ATE1: variants seen among roughly 807,000 people sequenced by gnomAD.
ATE1 encodes the protein arginyl-tRNA--protein transferase 1.
A neutral mutation model predicts 70.5 loss-of-function variants in ATE1; 36 were observed. The ratio of observed to expected loss-of-function variants is 0.51; its 90% CI spans 0.39 to 0.67. ATE1 has a LOEUF of 0.67. Ranked by LOEUF, ATE1 falls within the 30% of genes least tolerant of loss-of-function variation. ATE1 has a pLI of 0.00. For missense variants in ATE1, 593 were observed against 629.5 expected (o/e 0.94, Z 0.62); for synonymous variants, 232 against 219.3 (o/e 1.06, Z -0.51).
At chr10:121,890,668 T>C (rs1009848807) in intron 7 of ATE1, among the ~76,000 whole-genome samples, 63 of 152,192 alleles carry the variant, frequency 4.1e-4, no homozygotes, top group African/African-American at 1.5e-3. Context: ...AACTCTATTC[T>C]AGGAAACCAA....
chr10:121,839,281 A>G (rs1240634545), intron 9 of ATE1, among the ~76,000 whole-genome samples: 1 of 152,230 alleles, frequency 6.6e-6, no homozygotes, highest in African/African-American at 2.4e-5. Context: ...ATTATTTACC[A>G]TATCAATATC....
At chr10:121,838,544 GC>G (rs1948514369) in intron 9 of ATE1, among the ~76,000 whole-genome samples, 1 of 151,878 alleles carries the variant, frequency 6.6e-6, no homozygotes, top group Non-Finnish European at 1.5e-5. Flanking sequence ...TTCTTCCTTT[GC>G]CCCTGAAATG....
intron 11 of ATE1, among the ~76,000 whole-genome samples, chr10:121,755,736 A>T (rs903282977): frequency 6.6e-6 from 1 of 152,050 alleles, no homozygotes; most frequent in Non-Finnish European, 1.5e-5. Flanking sequence ...AAACCACCAG[A>T]CCTCATGAGA....
intron 10 of ATE1, among the ~76,000 whole-genome samples, chr10:121,827,977 G>A (rs1327083438): frequency 6.6e-6 from 1 of 152,194 alleles, no homozygotes; most frequent in Admixed American, 6.5e-5. Context: ...TATATACTAT[G>A]ACGATGACCA....
intron 8 of ATE1, among the ~76,000 whole-genome samples, chr10:121,866,139 GC>G (rs1033184458): frequency 6.6e-6 from 1 of 152,156 alleles, no homozygotes; most frequent in Non-Finnish European, 1.5e-5. Flanking sequence ...CTCCTGCCTT[GC>G]CTTTGGTTTG....
At chr10:121,857,344 C>T (rs768735159) in intron 8 of ATE1, among the ~76,000 whole-genome samples, 45 of 152,150 alleles carry the variant, frequency 3.0e-4, no homozygotes, top group Non-Finnish European at 4.0e-4. Flanking sequence ...TTAGCTCTCA[C>T]TTAAAAGCAA....
intron 8 of ATE1, among the ~76,000 whole-genome samples, chr10:121,849,341 A>G (rs936126015): frequency 2.6e-5 from 4 of 152,200 alleles, no homozygotes; most frequent in African/African-American, 9.6e-5. Context: ...TCAAACTACA[A>G]TTACCTTCTC....
chr10:121,839,084 T>C (rs1038002728), intron 9 of ATE1, among the ~76,000 whole-genome samples: 6 of 152,094 alleles, frequency 3.9e-5, no homozygotes, highest in Non-Finnish European at 7.4e-5. Context: ...ACTCCGCAAC[T>C]CATCTTCTCA....
chr10:121,780,419 T>G (rs1202192787), intron 11 of ATE1, among the ~76,000 whole-genome samples: 1 of 152,202 alleles, frequency 6.6e-6, no homozygotes, highest in East Asian at 1.9e-4. Flanking sequence ...CATTGCCCAC[T>G]GCCATCACCC....
chr10:121,759,483 C>G (rs10749426), intron 11 of ATE1, among the ~76,000 whole-genome samples: 125,345 of 151,580 alleles, frequency 0.83, 52,170 homozygotes, highest in Non-Finnish European at 0.89. Context: ...CAGCACTTTG[C>G]GGGGCTGAGG....
At chr10:121,772,585 C>T (rs1041315009) in intron 11 of ATE1, among the ~76,000 whole-genome samples, 2 of 152,198 alleles carry the variant, frequency 1.3e-5, no homozygotes, top group Non-Finnish European at 2.9e-5. Context: ...CTGAAGTAGT[C>T]TGTGTTTGCT....
chr10:121,811,909 G>A (rs2133478342), intron 10 of ATE1, among the ~76,000 whole-genome samples: 1 of 151,324 alleles, frequency 6.6e-6, no homozygotes, highest in South Asian at 2.1e-4. Flanking sequence ...CTTGAATACG[G>A]AAAGGGCAGA....
intron 11 of ATE1, among the ~76,000 whole-genome samples, chr10:121,781,600 G>A (rs1945991774): frequency 6.6e-6 from 1 of 152,068 alleles, no homozygotes; most frequent in African/African-American, 2.4e-5. Context: ...CTGTTCCAAG[G>A]GACCATTTCC....
intron 9 of ATE1, among the ~76,000 whole-genome samples, chr10:121,839,337 G>A (rs1948544822): frequency 6.6e-6 from 1 of 152,074 alleles, no homozygotes. Context: ...TTCAGACACA[G>A]GCCAGAGCTT....
intron 7 of ATE1, among the ~76,000 whole-genome samples, chr10:121,880,210 T>C (rs545386781): frequency 2.2e-4 from 34 of 152,320 alleles, no homozygotes; most frequent in African/African-American, 8.2e-4. Context: ...ACTGCTTGCA[T>C]AATTTACCAG....
chr10:121,843,573 T>C (rs980738739), intron 8 of ATE1, among the ~76,000 whole-genome samples: 9 of 152,130 alleles, frequency 5.9e-5, no homozygotes, highest in Non-Finnish European at 1.2e-4. Context: ...TGGAGTGATA[T>C]TGGTGAAAGA....
intron 8 of ATE1, among the ~76,000 whole-genome samples, chr10:121,863,777 T>C (rs1293616227): frequency 6.6e-6 from 1 of 152,098 alleles, no homozygotes; most frequent in East Asian, 1.9e-4. Flanking sequence ...GCCCAGATAA[T>C]TTTTTTATTT....
chr10:121,865,479 C>T (rs186498270), intron 8 of ATE1, among the ~76,000 whole-genome samples: 17 of 152,282 alleles, frequency 1.1e-4, no homozygotes, highest in Admixed American at 6.5e-4. Context: ...AAGAATCTTT[C>T]GGGCTCTGAT....
intron 8 of ATE1, among the ~76,000 whole-genome samples, chr10:121,853,590 C>T (rs1043017604): frequency 1.3e-5 from 2 of 151,840 alleles, no homozygotes; most frequent in African/African-American, 2.4e-5. Flanking sequence ...TACTTTGCTT[C>T]CAGGCATTTC....
Sources: gnomAD v4.1 joint callset for allele counts (sites outside exome capture counted in the v4.1 genomes callset) on GRCh38, gnomAD v4.1.1 for gene constraint, MANE v1.5 for transcripts, NCBI Gene and HGNC (gene_info 2026-07-23, HGNC 2026-07-21) for gene names.